The following MALRD1 variants were observed in gnomAD, a reference collection of about 807,000 sequenced individuals.
The protein encoded by MALRD1 is MAM and LDL-receptor class A domain-containing protein 1.
MALRD1 carries 247 observed loss-of-function variants against 242.1 expected under a neutral mutation model. The observed-to-expected ratio is 1.02, with a 90% CI of 0.92 to 1.13. MALRD1 has a LOEUF of 1.13. Among genes scored for constraint, MALRD1 ranks in the 50% most tolerant of loss-of-function variants. The pLI is 0.00. For missense variants in MALRD1, 2,989 were observed against 2,533.1 expected, an observed-to-expected ratio of 1.18 and a Z score of -3.86; for synonymous variants, 995 against 866.6, an observed-to-expected ratio of 1.15 and a Z score of -2.60.
chr10:19,213,724 G>A (rs906493850), intron 18 of MALRD1, among the ~76,000 whole-genome samples: 3 of 152,136 alleles, frequency 2.0e-5, no homozygotes, highest in Non-Finnish European at 4.4e-5. Context: ...CTGCTAAATT[G>A]TGTCTGGATG....
rs571907113 is a variant in MALRD1, at chr10:19,641,336, C to A, written c.6137+25413C>A. Among the ~76,000 whole-genome samples, 3 of 152,226 alleles carry A rather than the reference C, an allele frequency of 2.0e-5. No individual in the cohort carries two copies. In the East Asian group the frequency reaches 5.8e-4, roughly 29 times the overall value. ...ATAGTTATATGTACACCACTCATTG[C>A]CCTTTGATCACTAAACAGAGGCTTT... On this transcript the variant is annotated intron_variant, in intron 36 of 39. Coordinates refer to ENST00000454679, the MANE Select transcript of MALRD1 (RefSeq NM_001142308.3).
At chr10:19,103,454 G>A (rs981963294) in intron 4 of MALRD1, among the ~76,000 whole-genome samples, 6 of 151,246 alleles carry the variant, frequency 4.0e-5, no homozygotes, top group African/African-American at 1.5e-4. Context: ...CCAGCTACTC[G>A]GGAGGCTGAG....
At chr10:19,108,089 C>G (rs1352333369) in intron 5 of MALRD1, among the ~76,000 whole-genome samples, 3 of 151,976 alleles carry the variant, frequency 2.0e-5, no homozygotes, top group Non-Finnish European at 4.4e-5. Flanking sequence ...ATTGCTGTGC[C>G]TTTCTTCATC....
intron 33 of MALRD1, among the ~76,000 whole-genome samples, chr10:19,588,043 A>T (rs926737945): frequency 4.6e-5 from 7 of 152,128 alleles, no homozygotes; most frequent in Non-Finnish European, 7.4e-5. Context: ...TTTATGTAAA[A>T]TCACATAAAA....
intron 34 of MALRD1, among the ~76,000 whole-genome samples, chr10:19,597,461 A>G (rs1245215771): frequency 6.6e-6 from 1 of 152,196 alleles, no homozygotes; most frequent in African/African-American, 2.4e-5. Flanking sequence ...ACAAAATTCT[A>G]GAGCAAAATT....
intron 36 of MALRD1, among the ~76,000 whole-genome samples, chr10:19,680,528 A>G (rs1564536632): frequency 6.6e-6 from 1 of 152,000 alleles, no homozygotes; most frequent in Non-Finnish European, 1.5e-5. Context: ...GGCTATGTGT[A>G]TCTTTCGATG....
At chr10:19,655,540 A>ATATATATATATATATATATG (rs1841110559) in intron 36 of MALRD1, among the ~76,000 whole-genome samples, 4 of 43,860 alleles carry the variant, frequency 9.1e-5, no homozygotes, top group African/African-American at 4.4e-4. Context: ...GTATATATAT[A>ATATATATATATATATATATG]TATATATATA....
intron 21 of MALRD1, among the ~76,000 whole-genome samples, chr10:19,284,229 G>A (rs911413292): frequency 6.7e-6 from 1 of 149,674 alleles, no homozygotes; most frequent in Non-Finnish European, 1.5e-5. Context: ...TTGTAAGCAT[G>A]TTTGTATTTT....
At chr10:19,454,713 T>TACACACACACAC (rs35489123) in intron 29 of MALRD1, among the ~76,000 whole-genome samples, 2 of 132,330 alleles carry the variant, frequency 1.5e-5, no homozygotes, top group African/African-American at 5.3e-5. Flanking sequence ...CGTGCACACG[T>TACACACACACAC]ACACACACAC....
At chr10:19,454,260 A>G (rs1287106478) in intron 29 of MALRD1, among the ~76,000 whole-genome samples, 1 of 151,850 alleles carries the variant, frequency 6.6e-6, no homozygotes, top group African/African-American at 2.4e-5. Flanking sequence ...CAAACCACAA[A>G]CAGTGACAAG....
At chr10:19,392,483 A>G (rs574361019) in intron 28 of MALRD1, among the ~76,000 whole-genome samples, 15 of 152,372 alleles carry the variant, frequency 9.8e-5, no homozygotes, top group African/African-American at 2.2e-4. Context: ...ATGGCCATAT[A>G]TGATTCTTAA....
intron 1 of MALRD1, among the ~76,000 whole-genome samples, chr10:19,062,507 G>A (rs1834851806): frequency 6.6e-6 from 1 of 152,172 alleles, no homozygotes; most frequent in African/African-American, 2.4e-5. Context: ...GTTCACAATA[G>A]CCCAAAGCTA....
At chr10:19,487,620 C>A (rs1020635566) in intron 29 of MALRD1, among the ~76,000 whole-genome samples, 7 of 151,178 alleles carry the variant, frequency 4.6e-5, no homozygotes, top group African/African-American at 1.7e-4. Flanking sequence ...CATCCTATGG[C>A]ATGGAAAAAT....
intron 14 of MALRD1, among the ~76,000 whole-genome samples, chr10:19,191,822 A>C (rs890613604): frequency 2.4e-4 from 37 of 152,030 alleles, no homozygotes; most frequent in African/African-American, 7.7e-4. Flanking sequence ...ACATGGTGAA[A>C]TCCCATCTCT....
rs58856447 is a variant in MALRD1 at position 19,734,318 on chromosome 10, C to T, written c.*81C>T. On this transcript the variant is annotated 3_prime_UTR_variant, in exon 40 of 40. Coordinates refer to ENST00000454679, the MANE Select transcript of MALRD1 (RefSeq NM_001142308.3). ...CCACAATCTGATAGAAACTCATCTTCTACAATGGTAAAAAGAGAAAGGATT... is the reference window on the plus strand; with the variant it reads ...CCACAATCTGATAGAAACTCATCTTTTACAATGGTAAAAAGAGAAAGGATT... 1 of 1,133,472 alleles carries T rather than the reference C, an allele frequency of 8.8e-7. No individual in the cohort carries two copies. The highest frequency in any genetic ancestry group is 1.3e-6 in the Non-Finnish European group (1 of 795,358). The allele number at this position is 1,133,472 out of a possible 1,614,324, so 70.2% of individuals were successfully genotyped here.
At position 19,595,227 on chromosome 10, in the gene MALRD1, C is replaced by G; in HGVS notation, c.5714C>G (p.Ala1905Gly). 1 of 1,550,264 alleles carries G rather than the reference C, an allele frequency of 6.5e-7. No individual in the cohort carries two copies. Among genetic ancestry groups the G allele is most frequent in the Non-Finnish European group, 8.7e-7 (1 of 1,146,812 alleles). Residue 1905 changes from alanine (A) to glycine (G), a missense_variant, in exon 34 of 40, where the codon GCT becomes GGT. Transcript: ENST00000454679. ...CCAGTGCAGCCATCACCCTGTGAAGCTGATCAGTTTTCTTGTATCTACACA... is the reference window on the plus strand; with the variant it reads ...CCAGTGCAGCCATCACCCTGTGAAGGTGATCAGTTTTCTTGTATCTACACA... The part of the protein sequence containing the change: ...PVPVQPSPCE[A>G]DQFSCIYTLQ...
chr10:19,539,855 TGCGTGTG>T (rs772009152), intron 32 of MALRD1, among the ~76,000 whole-genome samples: 5,743 of 87,376 alleles, frequency 0.066, 230 homozygotes, highest in Non-Finnish European at 0.09. Flanking sequence ...CCCAGCTTTG[TGCGTGTG>T]TGTGTGTGTG....
intron 19 of MALRD1, among the ~76,000 whole-genome samples, chr10:19,265,273 T>C (rs185386123): frequency 3.9e-4 from 59 of 152,178 alleles, no homozygotes; most frequent in Middle Eastern, 6.8e-3. Context: ...GAGCTTAGTT[T>C]GTTCTTTTTC....
chr10:19,501,814 T>G (rs1007641093), intron 31 of MALRD1, among the ~76,000 whole-genome samples: 3 of 151,910 alleles, frequency 2.0e-5, no homozygotes, highest in Non-Finnish European at 4.4e-5. Context: ...GGAGGATTGC[T>G]TGAACCCAGC....
Sources: gnomAD v4.1 joint callset for allele counts (sites outside exome capture counted in the v4.1 genomes callset) on GRCh38, gnomAD v4.1.1 for gene constraint, MANE v1.5 for transcripts, NCBI Gene and HGNC (gene_info 2026-07-23, HGNC 2026-07-21) for gene names.